Variants in GRIA1 observed in about 807,000 individuals in gnomAD.
GRIA1 encodes the protein glutamate receptor 1.
GRIA1 carries 31 observed loss-of-function variants against 99.2 expected under a neutral mutation model. That is an observed-to-expected ratio of 0.31 (90% CI 0.23 to 0.42). The LOEUF (loss-of-function observed/expected upper bound fraction) is 0.42, where lower values mean the gene tolerates loss of function less well. Among genes scored for constraint, GRIA1 ranks in the 10% least tolerant of loss-of-function variants. The probability of loss-of-function intolerance (pLI) is 1.00; values close to 1 mark genes in which losing one functional copy is unlikely to be tolerated. For synonymous variants in GRIA1, 438 were observed against 432.4 expected (o/e 1.01, Z -0.16); for missense variants, 782 against 1,157.5 (o/e 0.68, Z 4.71).
chr5:153,494,544 T>C (rs187978494), intron 2 of GRIA1, among the ~76,000 whole-genome samples: 10 of 152,346 alleles, frequency 6.6e-5, no homozygotes, highest in Non-Finnish European at 8.8e-5. Flanking sequence ...TTTTCGGAAG[T>C]GACCAATAAT....
intron 2 of GRIA1, among the ~76,000 whole-genome samples, chr5:153,577,316 G>T (rs1348681553): frequency 1.3e-5 from 2 of 152,168 alleles, no homozygotes; most frequent in South Asian, 2.1e-4. Context: ...GGCACAGAAA[G>T]CAGGCATGCC....
At chr5:153,686,204 C>T (rs1291347923) in intron 7 of GRIA1, 21 bp from the exon 8 acceptor site, 1 of 1,569,320 alleles carries the variant, frequency 6.4e-7, no homozygotes, top group Non-Finnish European at 8.8e-7. Flanking sequence ...TCACTGCCCA[C>T]CACTTGGTTT....
intron 2 of GRIA1, among the ~76,000 whole-genome samples, chr5:153,547,751 GCTCAGAC>G (rs1759738868): frequency 6.6e-6 from 1 of 152,150 alleles, no homozygotes; most frequent in Non-Finnish European, 1.5e-5. Flanking sequence ...ATGTAGCAGA[GCTCAGAC>G]CTGTGGAAGA....
chr5:153,706,683 T>C (rs1408791608), intron 11 of GRIA1, among the ~76,000 whole-genome samples: 2 of 152,184 alleles, frequency 1.3e-5, no homozygotes, highest in African/African-American at 4.8e-5. Flanking sequence ...CTCACCCTAG[T>C]AGATGTTGGC....
chr5:153,759,164 C>CAAAA (rs112082035), intron 11 of GRIA1, among the ~76,000 whole-genome samples: 46 of 139,498 alleles, frequency 3.3e-4, no homozygotes, highest in African/African-American at 1.1e-3. Flanking sequence ...CTTCAAAGAC[C>CAAAA]AAAAAAAAAA....
intron 15 of GRIA1, among the ~76,000 whole-genome samples, chr5:153,803,724 G>T (rs1314236600): frequency 1.3e-5 from 2 of 152,122 alleles, no homozygotes; most frequent in Admixed American, 6.6e-5. Context: ...GGTAGAATTT[G>T]CTTTATTAGA....
At chr5:153,706,239 G>GGT in intron 11 of GRIA1, 172 bp downstream of exon 11, 1 of 663,768 alleles carries the variant, frequency 1.5e-6, no homozygotes, top group Non-Finnish European at 2.6e-6. Context: ...TGGATTATCT[G>GGT]GATCATCCTG....
chr5:153,641,290 A>G (rs1341275780), intron 2 of GRIA1, among the ~76,000 whole-genome samples: 1 of 152,124 alleles, frequency 6.6e-6, no homozygotes, highest in African/African-American at 2.4e-5. Context: ...TGAAGTGACA[A>G]TAAAAAAGGA....
Position 153,504,227 on chromosome 5 carries a change from C to T in GRIA1, c.220+10162C>T, listed in dbSNP as rs1394301732. 2.0e-5 allele frequency among the ~76,000 whole-genome samples: 3 copies of T among 151,982 alleles called. No homozygotes were observed. In the East Asian group the frequency reaches 5.8e-4, roughly 29 times the overall value. On this transcript the variant is annotated intron_variant, in intron 2 of 15. Coordinates refer to ENST00000285900, the MANE Select transcript of GRIA1 (RefSeq NM_000827.4). Reference sequence around the variant, plus strand: ...TGGATTTAAGCCAGCCCACCAAAACCATACGGACATGGGGGAGGAATAATT... The same window carrying T: ...TGGATTTAAGCCAGCCCACCAAAACTATACGGACATGGGGGAGGAATAATT...
intron 6 of GRIA1, 88 bp from the exon 7 acceptor site, chr5:153,676,906 C>A: frequency 8.9e-7 from 1 of 1,121,692 alleles, no homozygotes; most frequent in East Asian, 2.8e-5. Context: ...CTTCTCATCA[C>A]CAGAAAACAC....
At chr5:153,742,630 A>G (rs1761886703) in intron 11 of GRIA1, among the ~76,000 whole-genome samples, 1 of 152,110 alleles carries the variant, frequency 6.6e-6, no homozygotes, top group Non-Finnish European at 1.5e-5. Context: ...GGTTTCTTTC[A>G]TGGTTCTCAG....
chr5:153,625,881 T>C (rs1383942364), intron 2 of GRIA1, among the ~76,000 whole-genome samples: 1 of 152,224 alleles, frequency 6.6e-6, no homozygotes. Flanking sequence ...ATGAGGAAAC[T>C]GAGGCATAGA....
chr5:153,810,532 A>G (rs1766743723), intron 15 of GRIA1, among the ~76,000 whole-genome samples: 1 of 152,236 alleles, frequency 6.6e-6, no homozygotes, highest in African/African-American at 2.4e-5. Context: ...TTGCTATAAT[A>G]ACAGTGTGTA....
intron 2 of GRIA1, among the ~76,000 whole-genome samples, chr5:153,538,617 T>G (rs1758797306): frequency 6.6e-6 from 1 of 152,028 alleles, no homozygotes; most frequent in African/African-American, 2.4e-5. Flanking sequence ...CTCTGGGAGG[T>G]CTACTGCAAT....
chr5:153,597,494 T>C (rs1378784713), intron 2 of GRIA1, among the ~76,000 whole-genome samples: 3 of 152,216 alleles, frequency 2.0e-5, no homozygotes, highest in Admixed American at 6.5e-5. Context: ...GACCAGTTAT[T>C]TAAAGCCTAG....
intron 5 of GRIA1, among the ~76,000 whole-genome samples, chr5:153,672,670 G>A (rs1756277225): frequency 6.6e-6 from 1 of 152,210 alleles, no homozygotes; most frequent in South Asian, 2.1e-4. Context: ...AGAAAAATCA[G>A]AGAAAGCCAA....
intron 1 of GRIA1, chr5:153,491,184 C>A (rs1753880836): frequency 8.9e-6 from 10 of 1,128,364 alleles, no homozygotes; most frequent in Non-Finnish European, 1.2e-5. Flanking sequence ...CACACACGCA[C>A]ACATACCCTA....
chr5:153,516,838 A>G (rs1034950739), intron 2 of GRIA1, among the ~76,000 whole-genome samples: 2 of 152,188 alleles, frequency 1.3e-5, no homozygotes, highest in African/African-American at 4.8e-5. Flanking sequence ...GAAGGAAAAG[A>G]AAAAAAGGAA....
chr5:153,640,922 G>A (rs1268334613), intron 2 of GRIA1, among the ~76,000 whole-genome samples: 2 of 152,100 alleles, frequency 1.3e-5, no homozygotes, highest in African/African-American at 4.8e-5. Flanking sequence ...AGGGCTTTGG[G>A]ATGATTTATA....
Sources: gnomAD v4.1 joint callset for allele counts (sites outside exome capture counted in the v4.1 genomes callset) on GRCh38, gnomAD v4.1.1 for gene constraint, MANE v1.5 for transcripts, NCBI Gene and HGNC (gene_info 2026-07-23, HGNC 2026-07-21) for gene names.